KLHL13: variants seen among roughly 807,000 people sequenced by gnomAD.
KLHL13 encodes the protein kelch like family member 13, also known as kelch-like protein 13.
KLHL13 carries 10 observed loss-of-function variants against 37.1 expected under a neutral mutation model. The observed-to-expected ratio is 0.27, with a 90% CI of 0.17 to 0.46. The LOEUF (loss-of-function observed/expected upper bound fraction) is 0.46, where lower values mean the gene tolerates loss of function less well. Ranked by LOEUF, KLHL13 falls within the 20% of genes least tolerant of loss-of-function variation. The pLI is 1.00. For missense variants in KLHL13, 360 were observed against 509.3 expected (o/e 0.71, Z 2.82); for synonymous variants, 163 against 181.2 (o/e 0.90, Z 0.81).
At chrX:117,906,189 G>A (rs986145161) in intron 5 of KLHL13, among the ~76,000 whole-genome samples, 2 of 111,363 alleles carry the variant, frequency 1.8e-5, no homozygotes, top group Non-Finnish European at 3.8e-5. Context: ...TTTAAAAAGC[G>A]CTTGTAGGGT....
intron 1 of KLHL13, among the ~76,000 whole-genome samples, chrX:118,112,531 G>A (rs1280875245): frequency 1.8e-5 from 2 of 111,975 alleles, no homozygotes; most frequent in African/African-American, 3.2e-5. Flanking sequence ...CACTGTGCAC[G>A]TACTCTATGC....
intron 1 of KLHL13, among the ~76,000 whole-genome samples, chrX:118,111,908 AAAAAGAAAAAGAG>A (rs1247634507): frequency 8.9e-6 from 1 of 112,102 alleles, no homozygotes; most frequent in Non-Finnish European, 1.9e-5. Context: ...TAAAAAAAAG[AAAAAGAAAAAGAG>A]AAAAGAAAAA....
chrX:117,922,333 A>G (rs1931754867), intron 2 of KLHL13, among the ~76,000 whole-genome samples: 1 of 111,688 alleles, frequency 9.0e-6, no homozygotes, highest in African/African-American at 3.3e-5. Context: ...GGAAGCAGTG[A>G]ATGAGGACAC....
chrX:117,959,275 C>T (rs1172077573), intron 1 of KLHL13, among the ~76,000 whole-genome samples: 3 of 111,878 alleles, frequency 2.7e-5, no homozygotes, highest in African/African-American at 9.7e-5. Context: ...GTGATCGTAA[C>T]GAATGAGAAA....
intron 1 of KLHL13, among the ~76,000 whole-genome samples, chrX:118,106,329 G>T (rs2055346461): frequency 9.0e-6 from 1 of 111,091 alleles, no homozygotes; most frequent in African/African-American, 3.3e-5. Flanking sequence ...GGAATAAACA[G>T]AATAAGAACA....
At chrX:117,923,618 T>C (rs1931841323) in intron 2 of KLHL13, among the ~76,000 whole-genome samples, 1 of 112,282 alleles carries the variant, frequency 8.9e-6, no homozygotes. Flanking sequence ...TGGAATTGAA[T>C]AATGTCAGTA....
chrX:117,930,242 G>GAGGAAGGAAGGAAGGAAGGAAGGA (rs757311737), intron 2 of KLHL13, among the ~76,000 whole-genome samples: 10 of 62,992 alleles, frequency 1.6e-4, no homozygotes, highest in African/African-American at 6.3e-4. Context: ...GGAAGGAAGG[G>GAGGAAGGAAGGAAGGAAGGAAGGA]AGGAAGGAAG....
intron 1 of KLHL13, among the ~76,000 whole-genome samples, chrX:118,030,426 T>C (rs1252342738): frequency 8.9e-6 from 1 of 112,305 alleles, no homozygotes; most frequent in Non-Finnish European, 1.9e-5. Context: ...ACTAGAAATC[T>C]GATAATGTAA....
intron 1 of KLHL13, among the ~76,000 whole-genome samples, chrX:118,116,126 A>G: frequency 9.0e-6 from 1 of 111,629 alleles, no homozygotes; most frequent in East Asian, 2.8e-4. Context: ...AGAAACTGTT[A>G]GAGGGCAAGA....
At chrX:117,911,500 T>A (rs150765407) in intron 4 of KLHL13, among the ~76,000 whole-genome samples, 1,377 of 111,158 alleles carry the variant, frequency 0.012, 24 homozygotes, top group African/African-American at 0.043. Context: ...GCTGCACCTA[T>A]CAACCCGTCA....
At chrX:117,929,166 ATAAAAT>A in intron 2 of KLHL13, among the ~76,000 whole-genome samples, 1 of 112,498 alleles carries the variant, frequency 8.9e-6, no homozygotes, top group East Asian at 2.8e-4. Context: ...CATGTCTACT[ATAAAAT>A]TAAATTTTAA....
chrX:117,942,898 T>C (rs1214505435), intron 2 of KLHL13, among the ~76,000 whole-genome samples: 1 of 111,547 alleles, frequency 9.0e-6, no homozygotes, highest in Admixed American at 9.5e-5. Flanking sequence ...TGCCCCTTTA[T>C]TGATGCAGTT....
At chrX:117,981,526 T>G (rs1027611616) in intron 1 of KLHL13, among the ~76,000 whole-genome samples, 2 of 111,987 alleles carry the variant, frequency 1.8e-5, no homozygotes, top group Non-Finnish European at 3.8e-5. Context: ...AAATAATCAG[T>G]TACTTCTCAT....
At chrX:118,019,255 T>TATTTTCATG (rs1452956623) in intron 1 of KLHL13, among the ~76,000 whole-genome samples, 1 of 111,912 alleles carries the variant, frequency 8.9e-6, no homozygotes. Context: ...ACAAATACAG[T>TATTTTCATG]ATTTTCATGT....
intron 1 of KLHL13, among the ~76,000 whole-genome samples, chrX:117,979,658 AAGC>A (rs2053638021): frequency 9.0e-6 from 1 of 111,671 alleles, no homozygotes; most frequent in East Asian, 2.8e-4. Flanking sequence ...CTATTACCAA[AAGC>A]AGAGGTCAAG....
At chrX:118,027,235 T>A (rs764490120) in intron 1 of KLHL13, among the ~76,000 whole-genome samples, 4 of 111,660 alleles carry the variant, frequency 3.6e-5, no homozygotes, top group Non-Finnish European at 5.7e-5. Context: ...TAACAATGCT[T>A]CTGCTCATTT....
intron 1 of KLHL13, among the ~76,000 whole-genome samples, chrX:118,094,891 C>G (rs1602719393): frequency 9.0e-6 from 1 of 111,454 alleles, no homozygotes; most frequent in East Asian, 2.8e-4. Flanking sequence ...CTGAAGGAAG[C>G]ACTAAACATG....
intron 1 of KLHL13, among the ~76,000 whole-genome samples, chrX:117,994,603 C>A (rs1039475131): frequency 8.9e-6 from 1 of 111,740 alleles, no homozygotes; most frequent in African/African-American, 3.3e-5. Context: ...CAAACAGGTA[C>A]CTGGTCTTGG....
chrX:118,116,418 C>T (rs147637409), intron 1 of KLHL13, 90 bp downstream of exon 1: 2 of 112,802 alleles, frequency 1.8e-5, no homozygotes, highest in African/African-American at 6.5e-5. Flanking sequence ...TGGTACAGAT[C>T]GCAACTCCTC....
Sources: gnomAD v4.1 joint callset for allele counts (sites outside exome capture counted in the v4.1 genomes callset) on GRCh38, gnomAD v4.1.1 for gene constraint, MANE v1.5 for transcripts, NCBI Gene and HGNC (gene_info 2026-07-23, HGNC 2026-07-21) for gene names.